RAB38: variants seen among roughly 807,000 people sequenced by gnomAD.
RAB38 encodes the protein ras-related protein Rab-38.
In RAB38, 15 loss-of-function variants were observed where a neutral mutation model predicts 18.4. The observed-to-expected ratio is 0.82, with a 90% CI of 0.55 to 1.26. The LOEUF (loss-of-function observed/expected upper bound fraction) is 1.26. Ranked by LOEUF, RAB38 falls within the 50% of genes most tolerant of loss-of-function variation. The pLI is 0.00. For missense variants in RAB38, 294 were observed against 267.4 expected, an observed-to-expected ratio of 1.10 and a Z score of -0.69; for synonymous variants, 101 against 104.4, an observed-to-expected ratio of 0.97 and a Z score of 0.20.
the RAB38 span, among the ~76,000 whole-genome samples, chr11:87,961,978 C>T: frequency 1.6e-4 from 25 of 152,150 alleles, no homozygotes; most frequent in African/African-American, 5.8e-4. Context: ...AGAAAGCTTT[C>T]ATATTGGTCA....
chr11:88,056,021 G>A, the RAB38 span, among the ~76,000 whole-genome samples: 1 of 151,118 alleles, frequency 6.6e-6, no homozygotes, highest in South Asian at 2.1e-4. Flanking sequence ...TTTCTTTCGT[G>A]TGTGTGTGTG....
At chr11:87,913,348 T>C in the RAB38 span, among the ~76,000 whole-genome samples, 1 of 152,282 alleles carries the variant, frequency 6.6e-6, no homozygotes, top group South Asian at 2.1e-4. Context: ...CCCTTGAAGT[T>C]TTGTCAAGGG....
the RAB38 span, among the ~76,000 whole-genome samples, chr11:88,055,438 A>G: frequency 2.0e-5 from 3 of 152,200 alleles, no homozygotes; most frequent in South Asian, 6.2e-4. Context: ...CATGGCTGCC[A>G]CTAAAATGTT....
At chr11:87,950,902 C>T in the RAB38 span, among the ~76,000 whole-genome samples, 2 of 152,112 alleles carry the variant, frequency 1.3e-5, no homozygotes, top group Admixed American at 6.6e-5. Context: ...TTGTGGCATT[C>T]TCTGTATTTC....
chr11:88,141,340 T>C (rs1942910264), intron 2 of RAB38, among the ~76,000 whole-genome samples: 2 of 152,126 alleles, frequency 1.3e-5, no homozygotes, highest in African/African-American at 4.8e-5. Flanking sequence ...TGATCTTAAG[T>C]GGGTAGAAAC....
the RAB38 span, among the ~76,000 whole-genome samples, chr11:87,813,955 C>T: frequency 6.6e-6 from 1 of 152,174 alleles, no homozygotes; most frequent in Non-Finnish European, 1.5e-5. Context: ...GGTACTTGCT[C>T]CTTTTGATTC....
the RAB38 span, among the ~76,000 whole-genome samples, chr11:88,040,937 C>T: frequency 6.6e-6 from 1 of 152,254 alleles, no homozygotes; most frequent in South Asian, 2.1e-4. Context: ...TACTCATCAC[C>T]AGTTTAATCA....
chr11:87,935,745 C>G, the RAB38 span, among the ~76,000 whole-genome samples: 1 of 151,976 alleles, frequency 6.6e-6, no homozygotes, highest in Non-Finnish European at 1.5e-5. Context: ...TATAGTCACA[C>G]CCACTCCCCA....
chr11:88,017,729 T>A, the RAB38 span, among the ~76,000 whole-genome samples: 2 of 146,706 alleles, frequency 1.4e-5, no homozygotes, highest in African/African-American at 5.0e-5. Flanking sequence ...ATATATTATA[T>A]ATATATATAA....
chr11:87,881,135 T>C, the RAB38 span, among the ~76,000 whole-genome samples: 21 of 151,936 alleles, frequency 1.4e-4, no homozygotes, highest in South Asian at 4.4e-3. Flanking sequence ...TGAGACATCA[T>C]GCCCAGACTG....
At chr11:87,942,864 G>T in the RAB38 span, among the ~76,000 whole-genome samples, 2 of 152,142 alleles carry the variant, frequency 1.3e-5, no homozygotes, top group Non-Finnish European at 2.9e-5. Flanking sequence ...TCATAGAAAA[G>T]AATTTATATC....
the RAB38 span, among the ~76,000 whole-genome samples, chr11:88,031,290 C>T: frequency 6.6e-6 from 1 of 151,262 alleles, no homozygotes; most frequent in African/African-American, 2.4e-5. Context: ...TGGGCAAAAA[C>T]TGGAAGCATT....
At chr11:88,145,125 C>T (rs1438204183) in intron 2 of RAB38, among the ~76,000 whole-genome samples, 1 of 151,858 alleles carries the variant, frequency 6.6e-6, no homozygotes, top group Non-Finnish European at 1.5e-5. Context: ...ATGCATCTGG[C>T]CCCACATACA....
rs145947865 is a variant in RAB38, at chr11:88,169,623, G to T, written c.202+5560C>A. 2.9e-3 allele frequency among the ~76,000 whole-genome samples: 434 copies of T among 152,258 alleles called. 2 individuals are homozygous for T. The highest frequency in any genetic ancestry group is 9.5e-3 in the African/African-American group (393 of 41,540). ...CAAGCAAAGGAGACTGAATTAGAGG[G>T]CCAGATGATGAAATTCTGTCTCAAG... On this transcript the variant is annotated intron_variant, in intron 1 of 2. Transcript: ENST00000243662.
chr11:87,867,893 A>C, the RAB38 span, among the ~76,000 whole-genome samples: 5 of 151,836 alleles, frequency 3.3e-5, no homozygotes, highest in South Asian at 8.3e-4. Flanking sequence ...GGCAGAGATA[A>C]GATCCAAACC....
chr11:88,173,860 C>A, intron 1 of RAB38: 1 of 985,368 alleles, frequency 1.0e-6, no homozygotes, highest in South Asian at 4.7e-5. Flanking sequence ...AAAGGCCTGG[C>A]AGTTCATGAT....
the RAB38 span, among the ~76,000 whole-genome samples, chr11:87,891,772 C>G: frequency 6.6e-6 from 1 of 151,856 alleles, no homozygotes; most frequent in Non-Finnish European, 1.5e-5. Flanking sequence ...CACTAGGAAT[C>G]AGGAGTAAAC....
At chr11:87,821,729 T>TA in the RAB38 span, among the ~76,000 whole-genome samples, 1 of 151,796 alleles carries the variant, frequency 6.6e-6, no homozygotes, top group South Asian at 2.1e-4. Context: ...TGGGTACCTG[T>TA]AATCTCAGCT....
chr11:87,955,413 T>C, the RAB38 span, among the ~76,000 whole-genome samples: 845 of 152,264 alleles, frequency 5.5e-3, 8 homozygotes, highest in African/African-American at 0.019. Context: ...CCATGCTCAC[T>C]ACTAGGGTGA....
Sources: gnomAD v4.1 joint callset for allele counts (sites outside exome capture counted in the v4.1 genomes callset) on GRCh38, gnomAD v4.1.1 for gene constraint, MANE v1.5 for transcripts, NCBI Gene and HGNC (gene_info 2026-07-23, HGNC 2026-07-21) for gene names.